The following MFNG variants were observed in gnomAD, a reference collection of about 807,000 sequenced individuals.
The protein encoded by MFNG is MFNG O-fucosylpeptide 3-beta-N-acetylglucosaminyltransferase.
Under a neutral mutation model 34.2 loss-of-function variants are expected in MFNG, and 24 were observed. The ratio of observed to expected loss-of-function variants is 0.70; its 90% CI spans 0.51 to 0.99. The LOEUF (loss-of-function observed/expected upper bound fraction) is 0.99. MFNG is among the 50% of genes least tolerant of loss of function. The pLI is 0.00. For synonymous variants in MFNG, 158 were observed against 179.2 expected (o/e 0.88, Z 0.94); for missense variants, 383 against 424.0 (o/e 0.90, Z 0.85).
intron 6 of MFNG, 85 bp from the exon 7 acceptor site, chr22:37,472,613 G>T: frequency 7.7e-7 from 1 of 1,300,970 alleles, no homozygotes; most frequent in South Asian, 1.4e-5. Flanking sequence ...TGGAGGAGGG[G>T]TTTTAAGCTG....
chr22:37,469,580 G>A lies in MFNG; in HGVS notation c.*383C>T, dbSNP rs904703193. ...CCCAGCGCTTGAGCCCCAGGGGAAT[G>A]ACTGAGAGACATTAGCCAGGGCCAA... On this transcript the variant is annotated 3_prime_UTR_variant, in exon 8 of 8. Transcript: ENST00000356998. 8.3e-6 allele frequency: 3 copies of A among 359,808 alleles called. No individual in the cohort carries two copies. The highest frequency in any genetic ancestry group is 6.4e-5 in the African/African-American group (3 of 47,136). 22.3% of individuals were successfully genotyped at this position (359,808 alleles called of 1,614,324 possible).
In MFNG at chr22:37,485,356, G is replaced by A. The variant is rs376121807; in HGVS notation, c.255+567C>T. On this transcript the variant is annotated intron_variant, in intron 1 of 7. Coordinates refer to ENST00000356998, the MANE Select transcript of MFNG (RefSeq NM_002405.4). This position sits in a 1 kb window ranked among gnomAD's most constrained non-coding sequence, Gnocchi z 5.3. ...ACATGGCGGCCTCGGCACACCCGGG[G>A]CAGCAGAGACACAGCGGCAGGGGCT... is the stretch of plus-strand genomic sequence containing the variant. 9.8e-4 allele frequency among the ~76,000 whole-genome samples: 150 copies of A among 152,360 alleles called. No individual in the cohort carries two copies. In the East Asian group the frequency reaches 0.026, roughly 26 times the overall value.
rs1922499326 is a variant in MFNG at position 37,485,400 on chromosome 22, A to T, written c.255+523T>A. On this transcript the variant is annotated intron_variant, in intron 1 of 7. Coordinates refer to ENST00000356998, the MANE Select transcript of MFNG (RefSeq NM_002405.4). The surrounding 1 kb of genome is among the most constrained non-coding windows in gnomAD (Gnocchi z 5.3). The stretch of plus-strand genomic sequence containing the variant: ...AGGGGCTATCGGGAAGGCCGAAGGG[A>T]TGCCTCCCCCAAGAACAGACCCCAC... 6.6e-6 allele frequency among the ~76,000 whole-genome samples: 1 copy of T among 152,150 alleles called. No individual in the cohort carries two copies. Among genetic ancestry groups the T allele is most frequent in the East Asian group, 1.9e-4 (1 of 5,186 alleles).
chr22:37,469,997 T>C lies in MFNG; in HGVS notation c.932A>G (p.Asp311Gly), dbSNP rs200753314. 1.1e-4 allele frequency: 177 copies of C among 1,609,566 alleles called. 3 individuals carry two copies. In the East Asian group the frequency reaches 3.9e-3, roughly 36 times the overall value. ...FRSLHCLLYP[D>G]TPWCPQLGAR ...ACCCAGCTGGGGACACCAGGGTGTATCTGGATAGAGCAGACAATGGAGGGA... is the reference window on the plus strand; with the variant it reads ...ACCCAGCTGGGGACACCAGGGTGTACCTGGATAGAGCAGACAATGGAGGGA... The change falls in exon 8 of 8, where the codon GAT (aspartate) becomes GGT (glycine). Residue 311 changes from aspartate to glycine, a missense_variant. Physicochemically the swap from Asp to Gly is moderately conservative, Grantham distance 94 (BLOSUM62 -1). Transcript: ENST00000356998.
intron 1 of MFNG, chr22:37,484,394 GGGTGAGA>G (rs1922443006): frequency 1.5e-5 from 2 of 131,170 alleles, no homozygotes; most frequent in East Asian, 3.4e-4. Context: ...GTGAGCCAAA[GGGTGAGA>G]GACGTGGGGT....
rs1052466007 is a variant in MFNG at position 37,469,245 on chromosome 22, T to G, written c.*718A>C. On this transcript the variant is annotated 3_prime_UTR_variant, in exon 8 of 8. Transcript: ENST00000356998. ...CTGCAAAACCTTCCCCAGAAACATC[T>G]CTATTGGATTTGCTTAGTTCCCTCT... is the stretch of plus-strand genomic sequence containing the variant. 1.2e-4 allele frequency: 19 copies of G among 153,266 alleles called. No individual in the cohort carries two copies. The highest frequency in any genetic ancestry group is 4.3e-4 in the African/African-American group (18 of 41,438). 9.5% of individuals were successfully genotyped at this position (153,266 alleles called of 1,614,324 possible).
At chr22:37,480,334 C>A in intron 2 of MFNG, 35 bp from the exon 3 acceptor site, 2 of 1,522,320 alleles carry the variant, frequency 1.3e-6, no homozygotes, top group Non-Finnish European at 1.8e-6. Context: ...GGACCCTGCC[C>A]AGGTCCCCCC....
At chr22:37,477,261 A>G (rs2145731553) in intron 4 of MFNG, among the ~76,000 whole-genome samples, 1 of 152,170 alleles carries the variant, frequency 6.6e-6, no homozygotes, top group South Asian at 2.1e-4. Context: ...TTACCCACCC[A>G]GCCACCATGC....
intron 7 of MFNG, among the ~76,000 whole-genome samples, chr22:37,470,692 C>T (rs563867246): frequency 6.6e-6 from 1 of 152,346 alleles, no homozygotes; most frequent in East Asian, 1.9e-4. Flanking sequence ...GAGCCCTCTG[C>T]CCCAGGACAG....
intron 5 of MFNG, among the ~76,000 whole-genome samples, chr22:37,475,981 A>C (rs539732918): frequency 7.9e-5 from 12 of 152,296 alleles, no homozygotes; most frequent in African/African-American, 2.6e-4. Flanking sequence ...CAAGGCTTGC[A>C]GACCTTGGAG....
chr22:37,484,841 C>A (rs1922468109), intron 1 of MFNG, among the ~76,000 whole-genome samples: 1 of 152,196 alleles, frequency 6.6e-6, no homozygotes, highest in African/African-American at 2.4e-5. Flanking sequence ...GGGCAGGGTG[C>A]CCCTCCCCAG....
rs145824504 is a variant in MFNG at position 37,483,179 on chromosome 22, C to T, written c.256-2410G>A. Among the ~76,000 whole-genome samples, 878 of 152,288 alleles carry T rather than the reference C, an allele frequency of 5.8e-3. 3 individuals carry two copies. Among genetic ancestry groups the T allele is most frequent in the Admixed American group, 7.5e-3 (115 of 15,288 alleles). On this transcript the variant is annotated intron_variant, in intron 1 of 7. Transcript: ENST00000356998. This position sits in a 1 kb window ranked among gnomAD's most constrained non-coding sequence, Gnocchi z 4.5. ...CCTCTCTTCCTCTCACACCTCTTCC[C>T]GAGCCTGTCATCAATTCTGCTCACC...
intron 2 of MFNG, 137 bp from the exon 3 acceptor site, chr22:37,480,436 G>C (rs772315530): frequency 3.8e-5 from 27 of 717,984 alleles, no homozygotes; most frequent in Non-Finnish European, 4.6e-5. Context: ...TGGTAGGACT[G>C]AGACCCGGGG....
At position 37,476,947 on chromosome 22, in the gene MFNG, G is replaced by A. The variant is rs772875456; in HGVS notation, c.596C>T (p.Ala199Val). The change falls in exon 5 of 8, where the codon GCT (alanine) becomes GTT (valine). Residue 199 changes from alanine to valine, a missense_variant. Physicochemically the swap from Ala to Val is moderately conservative, Grantham distance 64. Transcript: ENST00000356998. Reference protein sequence around the residue: ...LVQFWFATGGAGFCINRKLAL... With the variant: ...LVQFWFATGGVGFCINRKLAL... ...CAGTTTGCGATTGATGCAGAAGCCAGCACCCCCAGTGGCAAACCAGAACTG... is the reference window on the plus strand; with the variant it reads ...CAGTTTGCGATTGATGCAGAAGCCAACACCCCCAGTGGCAAACCAGAACTG... 1 of 1,613,546 alleles carries A rather than the reference G, an allele frequency of 6.2e-7. No homozygotes were observed. The highest frequency in any genetic ancestry group is 8.5e-7 in the Non-Finnish European group (1 of 1,179,738).
intron 5 of MFNG, among the ~76,000 whole-genome samples, chr22:37,475,686 C>G (rs1010894508): frequency 2.0e-5 from 3 of 150,710 alleles, no homozygotes; most frequent in African/African-American, 7.5e-5. Flanking sequence ...CCCTCCCCAG[C>G]CTGCACTCCC....
intron 3 of MFNG, among the ~76,000 whole-genome samples, chr22:37,479,988 G>A (rs941225365): frequency 6.6e-6 from 1 of 151,838 alleles, no homozygotes; most frequent in African/African-American, 2.4e-5. Flanking sequence ...TGGGCAAGAA[G>A]AACGATACTC....
chr22:37,473,339 G>A (rs530090704), intron 6 of MFNG, among the ~76,000 whole-genome samples: 22 of 152,158 alleles, frequency 1.4e-4, no homozygotes, highest in Admixed American at 1.3e-3. Context: ...TGAGGCAGGA[G>A]AATCACTTGA....
intron 2 of MFNG, 128 bp downstream of exon 2, chr22:37,480,593 A>C: frequency 1.1e-6 from 1 of 906,230 alleles, no homozygotes; most frequent in Non-Finnish European, 1.7e-6. Flanking sequence ...TCCTGGGCAA[A>C]GGGGAATCTC....
Position 37,469,713 on chromosome 22 carries a change from G to A in MFNG, c.*250C>T. 1.6e-6 allele frequency: 1 copy of A among 610,206 alleles called. No individual in the cohort carries two copies. Among genetic ancestry groups the A allele is most frequent in the Non-Finnish European group, 3.1e-6 (1 of 326,076 alleles). The allele number at this position is 610,206 out of a possible 1,614,324, so 37.8% of individuals were successfully genotyped here. ...CCTTTTTCAATTCAGCCTCCTGAGGGAGTCTAGCCCCTGGAGCCTCTCTGG... is the reference window on the plus strand; with the variant it reads ...CCTTTTTCAATTCAGCCTCCTGAGGAAGTCTAGCCCCTGGAGCCTCTCTGG... On this transcript the variant is annotated 3_prime_UTR_variant, in exon 8 of 8. Transcript: ENST00000356998.
Sources: gnomAD v4.1 joint callset for allele counts (sites outside exome capture counted in the v4.1 genomes callset) on GRCh38, gnomAD v4.1.1 for gene constraint, Gnocchi (gnomAD v3.1) non-coding constraint, MANE v1.5 for transcripts, NCBI Gene and HGNC (gene_info 2026-07-23, HGNC 2026-07-21) for gene names.